SYNPR: variants seen among roughly 807,000 people sequenced by gnomAD.
The protein encoded by SYNPR is synaptoporin.
In SYNPR, 23 loss-of-function variants were observed where a neutral mutation model predicts 32.9. The observed-to-expected ratio is 0.70, with a 90% CI of 0.50 to 0.99. SYNPR has a LOEUF of 0.99. Ranked by LOEUF, SYNPR falls within the 50% of genes least tolerant of loss-of-function variation. SYNPR has a pLI of 0.00. For synonymous variants in SYNPR, 146 were observed against 135.9 expected, an observed-to-expected ratio of 1.07 and a Z score of -0.52; for missense variants, 318 against 349.3, an observed-to-expected ratio of 0.91 and a Z score of 0.71.
At chr3:63,287,826 C>T (rs1027901226) in intron 2 of SYNPR, among the ~76,000 whole-genome samples, 2 of 152,022 alleles carry the variant, frequency 1.3e-5, no homozygotes, top group Admixed American at 6.6e-5. Flanking sequence ...ACATAGGCAC[C>T]GCTGTCAAGG....
At chr3:63,344,978 T>C (rs537891779) in intron 2 of SYNPR, among the ~76,000 whole-genome samples, 2 of 152,106 alleles carry the variant, frequency 1.3e-5, no homozygotes, top group Non-Finnish European at 2.9e-5. Context: ...GTGGAGTCAG[T>C]TGGGTTTCCA....
At chr3:63,327,722 A>T (rs1328817979) in intron 2 of SYNPR, among the ~76,000 whole-genome samples, 1 of 152,174 alleles carries the variant, frequency 6.6e-6, no homozygotes. Flanking sequence ...GTGTTCAAAA[A>T]TATTTTTAAA....
At chr3:63,588,035 A>G (rs1703222292) in intron 4 of SYNPR, among the ~76,000 whole-genome samples, 1 of 152,120 alleles carries the variant, frequency 6.6e-6, no homozygotes, top group Admixed American at 6.6e-5. Context: ...TTTAAAAATT[A>G]CTTTGAATTG....
intron 2 of SYNPR, among the ~76,000 whole-genome samples, chr3:63,318,941 T>C (rs1054141603): frequency 3.9e-5 from 6 of 152,038 alleles, no homozygotes; most frequent in Non-Finnish European, 7.4e-5. Flanking sequence ...TCTTTTGTCC[T>C]ACAGGGTGTT....
chr3:63,508,219 C>T (rs1505587), intron 3 of SYNPR, among the ~76,000 whole-genome samples: 14,020 of 152,092 alleles, frequency 0.092, 803 homozygotes, highest in Admixed American at 0.13. Context: ...TTCTTTCTTG[C>T]TGTAGACTCA....
At chr3:63,220,202 A>C in the SYNPR span, among the ~76,000 whole-genome samples, 1 of 152,250 alleles carries the variant, frequency 6.6e-6, no homozygotes, top group Non-Finnish European at 1.5e-5. Context: ...GCTGTAATCC[A>C]GGTTAGAGGT....
chr3:63,452,154 TCG>T, intron 2 of SYNPR: 1 of 701,144 alleles, frequency 1.4e-6, no homozygotes, highest in Non-Finnish European at 2.6e-6. Context: ...ATTCATTTGT[TCG>T]TATGTTCATT....
intron 2 of SYNPR, among the ~76,000 whole-genome samples, chr3:63,450,086 G>T (rs963896509): frequency 7.9e-5 from 12 of 152,146 alleles, no homozygotes; most frequent in African/African-American, 2.9e-4. Flanking sequence ...GCAGTAGTTA[G>T]GGAATTTGAG....
intron 4 of SYNPR, among the ~76,000 whole-genome samples, chr3:63,568,163 C>G (rs1445247135): frequency 2.6e-5 from 4 of 152,088 alleles, no homozygotes; most frequent in Non-Finnish European, 5.9e-5. Flanking sequence ...CTCCACAGGC[C>G]AAGAATTAAA....
chr3:63,513,893 G>C (rs1701742908), intron 3 of SYNPR, among the ~76,000 whole-genome samples: 1 of 152,092 alleles, frequency 6.6e-6, no homozygotes, highest in African/African-American at 2.4e-5. Flanking sequence ...AATCCCAGGA[G>C]GGCATCTTGC....
chr3:63,459,231 T>G (rs1234072845), intron 2 of SYNPR, among the ~76,000 whole-genome samples: 1 of 152,128 alleles, frequency 6.6e-6, no homozygotes, highest in Non-Finnish European at 1.5e-5. Context: ...AATTTGGATT[T>G]TCATACCTCA....
At chr3:63,343,076 A>G (rs941504314) in intron 2 of SYNPR, among the ~76,000 whole-genome samples, 50 of 152,320 alleles carry the variant, frequency 3.3e-4, no homozygotes, top group African/African-American at 1.1e-3. Flanking sequence ...TTTCGGGCAG[A>G]GGGAGAAGTT....
At chr3:63,402,259 C>T (rs571769441) in intron 2 of SYNPR, among the ~76,000 whole-genome samples, 32 of 152,146 alleles carry the variant, frequency 2.1e-4, no homozygotes, top group Non-Finnish European at 4.0e-4. Context: ...ACATGAGGAG[C>T]GCTCCCTGCA....
intron 2 of SYNPR, among the ~76,000 whole-genome samples, chr3:63,280,515 TA>T (rs74513168): frequency 0.3 from 43,311 of 145,108 alleles, 7,362 homozygotes; most frequent in Non-Finnish European, 0.4. Context: ...CTTCCAAGCC[TA>T]AAAAAAAAAA....
At chr3:63,548,185 CTT>C (rs1702443220) in intron 3 of SYNPR, among the ~76,000 whole-genome samples, 1 of 152,136 alleles carries the variant, frequency 6.6e-6, no homozygotes, top group Non-Finnish European at 1.5e-5. Context: ...GAATGAATGA[CTT>C]GAGCATAATG....
In SYNPR at chr3:63,480,839, C is replaced by A. The variant is rs1364765116; in HGVS notation, c.92C>A (p.Ala31Glu). The A allele has an allele frequency of 1.9e-6, 3 of 1,612,576 alleles. No individual in the cohort carries two copies. The highest frequency in any genetic ancestry group is 2.7e-5 in the African/African-American group (2 of 74,862). The part of the protein sequence containing the change: ...AFLRALELLF[A>E]IFAFATCGGY... ...TTTAATTGTTCTCCACAGCTTTTTG[C>A]AATCTTTGCATTTGCAACATGCGGT... Residue 31 changes from alanine (A) to glutamate (E), a missense_variant, in exon 3 of 6, where the codon GCA becomes GAA. Coordinates refer to ENST00000478300, the MANE Select transcript of SYNPR (RefSeq NM_001130003.2).
rs549456793 is a variant in SYNPR at position 63,450,767 on chromosome 3, C to T, written c.85-30065C>T. 3.5e-4 allele frequency among the ~76,000 whole-genome samples: 53 copies of T among 152,248 alleles called. 2 individuals carry two copies. In the South Asian group the frequency reaches 0.011, roughly 30 times the overall value. Reference sequence around the variant, plus strand: ...TTGCAGTGGGCTTGTCACACATGCTCCTGAGCTTGGATAGATGCAGGGCTT... The same window carrying T: ...TTGCAGTGGGCTTGTCACACATGCTTCTGAGCTTGGATAGATGCAGGGCTT... On this transcript the variant is annotated intron_variant, in intron 2 of 5. Coordinates refer to ENST00000478300, the MANE Select transcript of SYNPR (RefSeq NM_001130003.2).
At chr3:63,409,993 G>T (rs936855317) in intron 2 of SYNPR, among the ~76,000 whole-genome samples, 10 of 151,992 alleles carry the variant, frequency 6.6e-5, no homozygotes, top group African/African-American at 2.4e-4. Flanking sequence ...CTGGGAAGAG[G>T]TGACATGGAG....
chr3:63,332,503 GCA>G (rs1295104896), intron 2 of SYNPR, among the ~76,000 whole-genome samples: 5 of 152,128 alleles, frequency 3.3e-5, no homozygotes, highest in Non-Finnish European at 5.9e-5. Context: ...TCAGTACTTT[GCA>G]CAGACTACTT....
Sources: allele counts gnomAD v4.1 joint callset (sites outside exome capture counted in the v4.1 genomes callset), GRCh38; gene constraint gnomAD v4.1.1; transcripts MANE v1.5; gene names NCBI Gene and HGNC (gene_info 2026-07-23, HGNC 2026-07-21).